The following EIF2AK1 variants were observed in gnomAD, a reference collection of about 807,000 sequenced individuals.
EIF2AK1 encodes the protein eukaryotic translation initiation factor 2-alpha kinase 1.
A neutral mutation model predicts 77.9 loss-of-function variants in EIF2AK1; 54 were observed. That is an observed-to-expected ratio of 0.69 (90% confidence interval 0.56 to 0.87). EIF2AK1 has a LOEUF of 0.87. Ranked by LOEUF, EIF2AK1 falls within the 40% of genes least tolerant of loss-of-function variation. The pLI, the probability that EIF2AK1 is intolerant of heterozygous loss-of-function variation, is 0.00. For missense variants in EIF2AK1, 810 were observed against 768.6 expected, an observed-to-expected ratio of 1.05 and a Z score of -0.64; for synonymous variants, 314 against 290.5, an observed-to-expected ratio of 1.08 and a Z score of -0.82.
intron 14 of EIF2AK1, among the ~76,000 whole-genome samples, chr7:6,026,122 C>T (rs1337204516): frequency 1.3e-5 from 2 of 152,096 alleles, no homozygotes; most frequent in Non-Finnish European, 2.9e-5. Flanking sequence ...GCAACCCCAT[C>T]GGGCACACTC....
At chr7:6,057,402 C>G (rs1788811635) in intron 1 of EIF2AK1, 1 of 151,696 alleles carries the variant, frequency 6.6e-6, no homozygotes, top group Admixed American at 6.6e-5. Context: ...AGCTTTAAAT[C>G]AATTGCAACA....
chr7:6,049,927 T>C lies in EIF2AK1; in HGVS notation c.396A>G (p.Lys132=). The change falls in exon 3 of 15, where the codon AAA becomes AAG. Residue 132 remains lysine, a synonymous_variant. Transcript: ENST00000199389. ...RAITHLMRSA[K]ERVRQDPCED... is the part of the protein sequence containing the mutation. ...TAGGGCTTACCTGACGAACTCTCTCTTTAGCAGACCTCATTAAGTGAGTAA... is the reference window on the plus strand; with the variant it reads ...TAGGGCTTACCTGACGAACTCTCTCCTTAGCAGACCTCATTAAGTGAGTAA... 1 of 1,611,562 alleles carries C rather than the reference T, an allele frequency of 6.2e-7. No individual in the cohort carries two copies. Among genetic ancestry groups the C allele is most frequent in the South Asian group, 1.1e-5 (1 of 90,116 alleles).
At position 6,024,060 on chromosome 7, in the gene EIF2AK1, T is replaced by C; in HGVS notation, c.*613A>G. 7.6e-7 allele frequency: 1 copy of C among 1,307,606 alleles called. No individual in the cohort carries two copies. The highest frequency in any genetic ancestry group is 2.1e-4 in the Middle Eastern group (1 of 4,794). 81.0% of individuals were successfully genotyped at this position (1,307,606 alleles called of 1,614,324 possible). The stretch of plus-strand genomic sequence containing the variant: ...AGAGATCTGAGCTGCCTGGAGATCA[T>C]CTGGGGTGCGGAGTACAAAGCTTTG... On this transcript the variant is annotated 3_prime_UTR_variant, in exon 15 of 15. Transcript: ENST00000199389.
rs757637937 is a variant in EIF2AK1, at chr7:6,054,676, C to A, written c.147G>T (p.Val49=). The change falls in exon 2 of 15, where the codon GTG becomes GTT. Residue 49 remains valine, a synonymous_variant. Coordinates refer to ENST00000199389, the MANE Select transcript of EIF2AK1 (RefSeq NM_014413.4). ...DESDVPAEIQ[V]LKEPLQQPTF... ...TTGGCTGTTGTAGGGGTTCTTTTAACACCTGGATTTCTGCTGGAACATCAG... is the reference window on the plus strand; with the variant it reads ...TTGGCTGTTGTAGGGGTTCTTTTAAAACCTGGATTTCTGCTGGAACATCAG... 26 of 1,613,866 alleles carry A rather than the reference C, an allele frequency of 1.6e-5. No homozygotes were observed. The highest frequency in any genetic ancestry group is 1.9e-5 in the Non-Finnish European group (23 of 1,179,976).
chr7:6,057,340 G>C (rs1459705553), intron 1 of EIF2AK1, among the ~76,000 whole-genome samples: 1 of 151,456 alleles, frequency 6.6e-6, no homozygotes, highest in African/African-American at 2.4e-5. Flanking sequence ...ATTTCAACTC[G>C]GTTTGCACCT....
Position 6,027,246 on chromosome 7 carries a change from A to T in EIF2AK1, c.1531-285T>A, listed in dbSNP as rs1323784468. 6.6e-6 allele frequency among the ~76,000 whole-genome samples: 1 copy of T among 152,112 alleles called. No homozygotes were observed. The highest frequency in any genetic ancestry group is 1.5e-5 in the Non-Finnish European group (1 of 68,026). On this transcript the variant is annotated intron_variant, in intron 13 of 14. Transcript: ENST00000199389. The surrounding 1 kb of genome is among the most constrained non-coding windows in gnomAD (Gnocchi z 4.5). ...ACAACTGTCTTCAGCACCCCTTAAC[A>T]ATCCAGGCCTGACCCAGGCAATGAT...
At position 6,059,145 on chromosome 7, in the gene EIF2AK1, T is replaced by C. The variant is rs1488049557; in HGVS notation, c.-62A>G. 13 of 1,147,566 alleles carry C rather than the reference T, an allele frequency of 1.1e-5. No individual in the cohort carries two copies. The East Asian group carries it at 2.3e-4, about 20-fold the overall frequency. The allele number at this position is 1,147,566 out of a possible 1,614,324, so 71.1% of individuals were successfully genotyped here. A position where few individuals can be genotyped will look rare whatever the true frequency, so the allele number is the denominator to read the frequency against. ...CCAGCCCAGCACTGCCACACTCCGA[T>C]GCTGCAGCTAGCGCCGTCCGACCCG... is the stretch of plus-strand genomic sequence containing the variant. On this transcript the variant is annotated 5_prime_UTR_variant, in exon 1 of 15. Transcript: ENST00000199389.
rs898704248 is a variant in EIF2AK1 at position 6,049,998 on chromosome 7, A to G, written c.325T>C (p.Cys109Arg). ...IKMGLLSSFT[C>R]SDEFSSLRLH... ...CTCAATGAGCTAAACTCGTCACTAC[A>G]AGTGAAAGAAGACAGCAGCCCCATT... The change falls in exon 3 of 15, where the codon TGT becomes CGT. Residue 109 changes from cysteine to arginine, a missense_variant. This residue lies in a region of EIF2AK1 where 246 missense variants were observed against 199.0 expected (regional missense o/e 1.24). Coordinates refer to ENST00000199389, the MANE Select transcript of EIF2AK1 (RefSeq NM_014413.4). The G allele has an allele frequency of 7.4e-6, 12 of 1,613,022 alleles. No individual in the cohort carries two copies. The African/African-American group carries it at 1.3e-4, about 18-fold the overall frequency.
At chr7:6,057,233 C>T (rs1788805329) in intron 1 of EIF2AK1, among the ~76,000 whole-genome samples, 4 of 150,020 alleles carry the variant, frequency 2.7e-5, no homozygotes, top group Admixed American at 2.0e-4. Context: ...CCCGGACGAC[C>T]CCATCTCTTT....
At chr7:6,056,613 A>AAAAATATATATATATATATATAT in intron 1 of EIF2AK1, among the ~76,000 whole-genome samples, 2 of 43,728 alleles carry the variant, frequency 4.6e-5, no homozygotes, top group African/African-American at 8.2e-5. Flanking sequence ...AAAAAAAAAA[A>AAAAATATATATATATATATATAT]ATATATATAT....
rs763419262 is a variant in EIF2AK1 at position 6,022,446 on chromosome 7, C to T, written c.*2227G>A. 6.6e-6 allele frequency: 1 copy of T among 152,010 alleles called. No individual in the cohort carries two copies. Among genetic ancestry groups the T allele is most frequent in the African/African-American group, 2.4e-5 (1 of 41,372 alleles). 9.4% of individuals were successfully genotyped at this position (152,010 alleles called of 1,614,324 possible). ...TCGGGGGTCAGTGTCCCTAACCCCC[C>T]CACTGTTCAAGGGTTAGCTGTACTA... On this transcript the variant is annotated 3_prime_UTR_variant, in exon 15 of 15. Transcript: ENST00000199389.
rs1175882400 is a variant in EIF2AK1 at position 6,046,090 on chromosome 7, G to A, written c.611C>T (p.Thr204Ile). The change falls in exon 6 of 15, where the codon ACT becomes ATT. Residue 204 changes from threonine to isoleucine, a missense_variant. By Grantham distance (89) the Thr-to-Ile change is moderately conservative. Transcript: ENST00000199389. The part of the protein sequence containing the change: ...AIKKILIKGA[T>I]KTVCMKVLRE... ...TCATACCTTCATGCAAACTGTTTTA[G>A]TTGCACCCTTAATCAGGATTTTTTT... 1.9e-6 allele frequency: 3 copies of A among 1,564,076 alleles called. No individual in the cohort carries two copies. Among genetic ancestry groups the A allele is most frequent in the South Asian group, 1.2e-5 (1 of 84,604 alleles).
chr7:6,056,332 C>A (rs181212407), intron 1 of EIF2AK1, among the ~76,000 whole-genome samples: 3,071 of 143,222 alleles, frequency 0.021, 49 homozygotes, highest in Admixed American at 0.037. Context: ...CGGTGGCTCA[C>A]GCCTATAATC....
chr7:6,034,066 C>T (rs977801127), intron 11 of EIF2AK1, among the ~76,000 whole-genome samples: 6 of 151,426 alleles, frequency 4.0e-5, no homozygotes, highest in South Asian at 4.2e-4. Context: ...GCCTGTAATC[C>T]CAGCACCATG....
In EIF2AK1 at chr7:6,043,005, C is replaced by T. The variant is rs1169141340; in HGVS notation, c.731-12G>A. The T allele has an allele frequency of 1.9e-6, 3 of 1,613,638 alleles. No individual in the cohort carries two copies. The highest frequency in any genetic ancestry group is 2.5e-6 in the Non-Finnish European group (3 of 1,179,810). On this transcript the variant is annotated splice_polypyrimidine_tract_variant and intron_variant, in intron 7 of 14. Transcript: ENST00000199389. ...GGCAGCTCTGTCTGCTGAATGAAAACAAACAACAATCATCTTCAAACAGCC... is the reference window on the plus strand; with the variant it reads ...GGCAGCTCTGTCTGCTGAATGAAAATAAACAACAATCATCTTCAAACAGCC...
At chr7:6,054,966 T>C (rs1788708385) in intron 1 of EIF2AK1, among the ~76,000 whole-genome samples, 1 of 152,064 alleles carries the variant, frequency 6.6e-6, no homozygotes, top group Non-Finnish European at 1.5e-5. Context: ...ATAGTACAAA[T>C]AAATCAATAC....
In EIF2AK1 at chr7:6,027,633, A is replaced by AGTCAAGGGGC. The variant is rs1455195223; in HGVS notation, c.1531-682_1531-673dup. 9.9e-5 allele frequency among the ~76,000 whole-genome samples: 15 copies of AGTCAAGGGGC among 152,102 alleles called. No homozygotes were observed. The highest frequency in any genetic ancestry group is 4.6e-4 in the Admixed American group (7 of 15,266). ...AGCATGTTCGTTCTATTTCAAGGGG[A>AGTCAAGGGGC]GTCAAGGGGCAGGCTTCCCCTTGGT... On this transcript the variant is annotated intron_variant, in intron 13 of 14. Transcript: ENST00000199389. The surrounding 1 kb of genome is among the most constrained non-coding windows in gnomAD (Gnocchi z 4.5).
At chr7:6,047,115 A>G (rs1462039300) in intron 4 of EIF2AK1, 24 bp from the exon 5 acceptor site, 1 of 1,592,896 alleles carries the variant, frequency 6.3e-7, no homozygotes, top group Admixed American at 1.7e-5. Flanking sequence ...ACAAACAATC[A>G]ATATTAAAAC....
chr7:6,053,851 T>TA (rs1788677460), intron 2 of EIF2AK1, among the ~76,000 whole-genome samples: 2 of 150,462 alleles, frequency 1.3e-5, no homozygotes, highest in African/African-American at 2.4e-5. Context: ...ATTTTTTTTT[T>TA]AATAGAGATG....
Sources: allele counts gnomAD v4.1 joint callset (sites outside exome capture counted in the v4.1 genomes callset), GRCh38; gene constraint gnomAD v4.1.1; regional missense constraint gnomAD v4.1.1; non-coding constraint Gnocchi (gnomAD v3.1); transcripts MANE v1.5; gene names NCBI Gene and HGNC (gene_info 2026-07-23, HGNC 2026-07-21).